FER1L6: variants seen among roughly 807,000 people sequenced by gnomAD.
FER1L6 encodes fer-1-like protein 6.
In FER1L6, 177 loss-of-function variants were observed where a neutral mutation model predicts 219.2. The ratio of observed to expected loss-of-function variants is 0.81; its 90% CI spans 0.71 to 0.91. The LOEUF (loss-of-function observed/expected upper bound fraction) is 0.91. Among genes scored for constraint, FER1L6 ranks in the 40% least tolerant of loss-of-function variants. The pLI, the probability that FER1L6 is intolerant of heterozygous loss-of-function variation, is 0.00. For synonymous variants in FER1L6, 768 were observed against 824.3 expected, an observed-to-expected ratio of 0.93 and a Z score of 1.17; for missense variants, 2,153 against 2,259.9, an observed-to-expected ratio of 0.95 and a Z score of 0.96.
intron 1 of FER1L6, among the ~76,000 whole-genome samples, chr8:123,945,314 T>C (rs948635990): frequency 1.3e-5 from 2 of 152,208 alleles, no homozygotes; most frequent in Non-Finnish European, 2.9e-5. Flanking sequence ...AGGCTCCAAC[T>C]TCAGCTTCTG....
intron 12 of FER1L6, among the ~76,000 whole-genome samples, chr8:123,995,570 G>A (rs1817093706): frequency 6.6e-6 from 1 of 151,076 alleles, no homozygotes; most frequent in Admixed American, 6.6e-5. Flanking sequence ...TTTTTTTTTA[G>A]TCTGGCTACA....
rs564341699 is a variant in FER1L6 at position 124,082,540 on chromosome 8, T to G, written c.4391+82T>G. ...GGCTCCAGACTCTGCATCCCAGTTG[T>G]CCATCTCTAGGAAGGCCAGACCAGG... On this transcript the variant is annotated intron_variant, in intron 33 of 40. Coordinates refer to ENST00000522917, the MANE Select transcript of FER1L6 (RefSeq NM_001039112.2). The G allele has an allele frequency of 7.4e-5, 99 of 1,346,496 alleles. 1 individual carries two copies. In the African/African-American group the frequency reaches 1.1e-3, roughly 15 times the overall value. The allele number at this position is 1,346,496 out of a possible 1,614,324, so 83.4% of individuals were successfully genotyped here.
At chr8:124,069,522 C>T (rs1305398061) in intron 29 of FER1L6, 47 bp downstream of exon 29, 2 of 1,392,564 alleles carry the variant, frequency 1.4e-6, no homozygotes, top group Non-Finnish European at 2.0e-6. Flanking sequence ...GAGGGATGCT[C>T]AGCAATGAGG....
intron 2 of FER1L6, among the ~76,000 whole-genome samples, chr8:123,961,058 C>T (rs11776109): frequency 0.17 from 25,293 of 151,866 alleles, 2,622 homozygotes; most frequent in Non-Finnish European, 0.23. Flanking sequence ...AGACAGCCTG[C>T]GCAACATAGT....
chr8:124,086,631 A>ACAC (rs1241081197), intron 33 of FER1L6, among the ~76,000 whole-genome samples: 3 of 152,140 alleles, frequency 2.0e-5, no homozygotes, highest in Non-Finnish European at 4.4e-5. Flanking sequence ...CTAATATACC[A>ACAC]CACTTAGTGT....
At chr8:123,898,046 T>G (rs1812775269) in intron 1 of FER1L6, among the ~76,000 whole-genome samples, 1 of 152,118 alleles carries the variant, frequency 6.6e-6, no homozygotes, top group Non-Finnish European at 1.5e-5. Context: ...ATCTCTGACT[T>G]AAAGGATTAA....
At position 123,930,371 on chromosome 8, in the gene FER1L6, C is replaced by T. The variant is rs1261002254; in HGVS notation, c.-7-25621C>T. Among the ~76,000 whole-genome samples, 6 of 151,292 alleles carry T rather than the reference C, an allele frequency of 4.0e-5. No homozygotes were observed. In the East Asian group the frequency reaches 1.2e-3, roughly 29 times the overall value. On this transcript the variant is annotated intron_variant, in intron 1 of 40. Transcript: ENST00000522917. ...GACATTTTTTTTTGTCTCATGTGTTCTTGGTGCCTATAAAGATACTTAATA... is the reference window on the plus strand; with the variant it reads ...GACATTTTTTTTTGTCTCATGTGTTTTTGGTGCCTATAAAGATACTTAATA...
At chr8:124,028,262 G>T (rs539337366) in intron 18 of FER1L6, among the ~76,000 whole-genome samples, 4 of 152,182 alleles carry the variant, frequency 2.6e-5, no homozygotes, top group Non-Finnish European at 5.9e-5. Context: ...CATTGGAATT[G>T]CTCTGGGCAG....
intron 1 of FER1L6, among the ~76,000 whole-genome samples, chr8:123,899,478 T>C (rs894739691): frequency 1.3e-5 from 2 of 152,214 alleles, no homozygotes; most frequent in Non-Finnish European, 2.9e-5. Flanking sequence ...TTTACTCTGC[T>C]GACTGTTCCT....
Position 123,973,506 on chromosome 8 carries a change from C to T in FER1L6, c.520C>T (p.Gln174Ter). ...FKVDLGTVYN[Q>*]PGHQFCNKWA... ...AGTAGACCTGGGGACCGTGTACAAC[C>T]AACCTGGTAAGAAAACATCACCTCC... The change falls in exon 7 of 41, where the codon CAA (glutamine) becomes TAA (stop). Residue 174 changes from glutamine to a stop codon, truncating the protein, a stop_gained. Coordinates refer to ENST00000522917, the MANE Select transcript of FER1L6 (RefSeq NM_001039112.2). LOFTEE classifies it high-confidence loss of function. 1 of 1,611,972 alleles carries T rather than the reference C, an allele frequency of 6.2e-7. No homozygotes were observed. Among genetic ancestry groups the T allele is most frequent in the Non-Finnish European group, 8.5e-7 (1 of 1,178,052 alleles).
rs1820525250 is a variant in FER1L6 at position 124,060,643 on chromosome 8, GTCC to G, written c.3083_3085del (p.Ser1028del). 1 of 1,614,146 alleles carries G rather than the reference GTCC, an allele frequency of 6.2e-7. No individual in the cohort carries two copies. Among genetic ancestry groups the G allele is most frequent in the Non-Finnish European group, 8.5e-7 (1 of 1,180,002 alleles). ...TTGAGTGCGGAGGACAAGGTGTGAA[GTCC>G]TGCGTGATCCAGAGCTACAAGAACA... On this transcript the variant is annotated inframe_deletion, in exon 24 of 41. Transcript: ENST00000522917.
intron 17 of FER1L6, 127 bp from the exon 18 acceptor site, chr8:124,023,317 C>T: frequency 1.1e-6 from 1 of 885,274 alleles, no homozygotes; most frequent in South Asian, 1.8e-5. Flanking sequence ...TAGATGGTGT[C>T]AGTCACAGCA....
chr8:124,020,711 T>G (rs140018075), intron 16 of FER1L6, among the ~76,000 whole-genome samples: 1 of 152,246 alleles, frequency 6.6e-6, no homozygotes, highest in Non-Finnish European at 1.5e-5. Context: ...ATTCAGTAGC[T>G]GCGTTACTGC....
intron 35 of FER1L6, among the ~76,000 whole-genome samples, chr8:124,096,813 T>C (rs915487631): frequency 3.3e-5 from 5 of 152,156 alleles, no homozygotes; most frequent in Non-Finnish European, 7.3e-5. Context: ...CCTTAGGAGT[T>C]TGCAGAAAGA....
chr8:123,914,440 A>G (rs1813127939), intron 1 of FER1L6, among the ~76,000 whole-genome samples: 1 of 152,192 alleles, frequency 6.6e-6, no homozygotes, highest in African/African-American at 2.4e-5. Flanking sequence ...TCTTTGTGGG[A>G]CAGTTTGCTT....
chr8:123,929,077 AG>A (rs1241908006), intron 1 of FER1L6, among the ~76,000 whole-genome samples: 1 of 152,196 alleles, frequency 6.6e-6, no homozygotes, highest in Non-Finnish European at 1.5e-5. Flanking sequence ...TCTATGAAGA[AG>A]TCCTGACTAG....
At chr8:123,889,810 T>A (rs942486688) in intron 1 of FER1L6, among the ~76,000 whole-genome samples, 2 of 151,940 alleles carry the variant, frequency 1.3e-5, no homozygotes, top group African/African-American at 4.8e-5. Flanking sequence ...TGAAGATATG[T>A]TTTTGGAAAG....
At chr8:124,087,891 A>G (rs1311314953) in intron 33 of FER1L6, among the ~76,000 whole-genome samples, 2 of 152,310 alleles carry the variant, frequency 1.3e-5, no homozygotes, top group East Asian at 3.9e-4. Context: ...TCCCTGGATT[A>G]CAGGCAGAGA....
At chr8:123,895,225 A>G (rs754022158) in intron 1 of FER1L6, among the ~76,000 whole-genome samples, 13 of 152,186 alleles carry the variant, frequency 8.5e-5, no homozygotes, top group Non-Finnish European at 1.5e-4. Context: ...ATCTTCAAAA[A>G]ATGTTTTGAC....
Sources: gnomAD v4.1 joint callset for allele counts (sites outside exome capture counted in the v4.1 genomes callset) on GRCh38, gnomAD v4.1.1 for gene constraint, MANE v1.5 for transcripts, NCBI Gene and HGNC (gene_info 2026-07-23, HGNC 2026-07-21) for gene names.